PTPRD: variants seen among roughly 807,000 people sequenced by gnomAD.
PTPRD encodes protein tyrosine phosphatase receptor type D.
Under a neutral mutation model 214.5 loss-of-function variants are expected in PTPRD, and 34 were observed. The ratio of observed to expected loss-of-function variants is 0.16; its 90% CI spans 0.12 to 0.21. The LOEUF (loss-of-function observed/expected upper bound fraction) is 0.21. PTPRD is among the 10% of genes least tolerant of loss of function. The pLI, the probability that PTPRD is intolerant of heterozygous loss-of-function variation, is 1.00. For synonymous variants in PTPRD, 1,128 were observed against 845.7 expected (o/e 1.33, Z -5.79); for missense variants, 2,545 against 2,398.7 (o/e 1.06, Z -1.27).
chr9:8,925,787 G>C (rs1209024874), intron 11 of PTPRD, among the ~76,000 whole-genome samples: 2 of 150,366 alleles, frequency 1.3e-5, no homozygotes, highest in Non-Finnish European at 2.9e-5. Flanking sequence ...CACTGTTAGA[G>C]AACTGCTGTA....
chr9:8,856,728 T>A (rs1306592757), intron 11 of PTPRD, among the ~76,000 whole-genome samples: 1 of 152,140 alleles, frequency 6.6e-6, no homozygotes, highest in African/African-American at 2.4e-5. Flanking sequence ...ATTGTGATAG[T>A]CCTGGTTTTG....
chr9:8,835,766 G>A (rs1184274867), intron 11 of PTPRD, among the ~76,000 whole-genome samples: 1 of 151,990 alleles, frequency 6.6e-6, no homozygotes, highest in Admixed American at 6.6e-5. Flanking sequence ...TTGAACTCCT[G>A]GGCTCAAGTG....
At chr9:8,440,319 AT>A (rs34426609) in intron 34 of PTPRD, among the ~76,000 whole-genome samples, 74,955 of 145,838 alleles carry the variant, frequency 0.51, 18,959 homozygotes, top group East Asian at 0.65. Context: ...GAAATGTATT[AT>A]TTTTTTTTTT....
intron 4 of PTPRD, among the ~76,000 whole-genome samples, chr9:9,981,732 A>G (rs565158924): frequency 6.6e-6 from 1 of 152,250 alleles, no homozygotes; most frequent in South Asian, 2.1e-4. Context: ...AAATAGAAGT[A>G]ATGATCAGGA....
intron 10 of PTPRD, among the ~76,000 whole-genome samples, chr9:9,125,643 A>G (rs1372227147): frequency 2.0e-5 from 3 of 152,222 alleles, no homozygotes; most frequent in African/African-American, 7.2e-5. Context: ...ATTAGAAAAC[A>G]TAGCCTCCCA....
intron 10 of PTPRD, among the ~76,000 whole-genome samples, chr9:9,067,927 A>G (rs2099737486): frequency 6.6e-6 from 1 of 152,186 alleles, no homozygotes; most frequent in African/African-American, 2.4e-5. Context: ...GAACTGTTCC[A>G]TTACCTCAAG....
chr9:8,750,869 C>T (rs141276850), intron 11 of PTPRD, among the ~76,000 whole-genome samples: 229 of 152,260 alleles, frequency 1.5e-3, no homozygotes, highest in Middle Eastern at 6.8e-3. Flanking sequence ...TGGAGTGACA[C>T]GGTCTGATTT....
At chr9:8,709,083 C>G (rs929635287) in intron 12 of PTPRD, among the ~76,000 whole-genome samples, 27 of 151,858 alleles carry the variant, frequency 1.8e-4, no homozygotes, top group African/African-American at 6.1e-4. Flanking sequence ...TAGTGGCTAT[C>G]AGAGGCTGGG....
chr9:10,270,625 T>G (rs546948282), intron 3 of PTPRD, among the ~76,000 whole-genome samples: 2 of 152,176 alleles, frequency 1.3e-5, no homozygotes. Flanking sequence ...GGAAAACACT[T>G]CAGGCTCAAT....
intron 5 of PTPRD, among the ~76,000 whole-genome samples, chr9:9,813,624 T>A (rs1361627525): frequency 5.9e-5 from 9 of 152,080 alleles, no homozygotes; most frequent in Non-Finnish European, 1.3e-4. Context: ...TTGAAGCACT[T>A]ATGAAAATCT....
intron 3 of PTPRD, among the ~76,000 whole-genome samples, chr9:10,264,192 A>C (rs2093894458): frequency 1.3e-5 from 2 of 152,162 alleles, no homozygotes; most frequent in African/African-American, 2.4e-5. Context: ...GTGGGGTTGA[A>C]GCCCCCACAT....
At position 8,321,074 on chromosome 9, in the gene PTPRD, G is replaced by A. The variant is rs557309334; in HGVS notation, c.5535-1108C>T. Among the ~76,000 whole-genome samples the A allele has an allele frequency of 5.9e-5, 9 of 152,136 alleles. No homozygotes were observed. The South Asian group carries it at 1.0e-3, about 18-fold the overall frequency. On this transcript the variant is annotated intron_variant, in intron 44 of 45. Transcript: ENST00000381196. ...TTAAGTGAGGTTTGAAAATCCAAGC[G>A]GAGTCAGTCTTTAAGAAGTGATTGA...
chr9:8,658,631 T>C (rs1473489071), intron 12 of PTPRD, among the ~76,000 whole-genome samples: 1 of 151,614 alleles, frequency 6.6e-6, no homozygotes, highest in Non-Finnish European at 1.5e-5. Context: ...CCATAATTAG[T>C]TTTGCAATTT....
chr9:10,035,260 G>A (rs1451016186), intron 3 of PTPRD, among the ~76,000 whole-genome samples: 1 of 151,790 alleles, frequency 6.6e-6, no homozygotes, highest in Non-Finnish European at 1.5e-5. Flanking sequence ...TTTGAGAAGT[G>A]CCCTTTGCCC....
intron 11 of PTPRD, among the ~76,000 whole-genome samples, chr9:8,773,703 T>C (rs2095336920): frequency 6.6e-6 from 1 of 152,226 alleles, no homozygotes; most frequent in Admixed American, 6.5e-5. Context: ...GATTTAGAAA[T>C]TGACTTCATA....
At chr9:9,715,875 T>G (rs1214446232) in intron 7 of PTPRD, among the ~76,000 whole-genome samples, 5 of 152,190 alleles carry the variant, frequency 3.3e-5, no homozygotes, top group African/African-American at 4.8e-5. Flanking sequence ...TATTATACTT[T>G]AAGTTTTAGG....
chr9:9,959,544 A>G (rs1293618125), intron 4 of PTPRD, among the ~76,000 whole-genome samples: 10 of 152,204 alleles, frequency 6.6e-5, no homozygotes, highest in Non-Finnish European at 1.5e-4. Context: ...TTCCTATGGC[A>G]AGAGAATCTA....
At chr9:10,439,624 GC>G (rs2098745981) in intron 2 of PTPRD, among the ~76,000 whole-genome samples, 1 of 151,474 alleles carries the variant, frequency 6.6e-6, no homozygotes. Context: ...ATATTTTTGT[GC>G]AAACTATAAA....
chr9:10,285,548 C>A (rs936508155), intron 3 of PTPRD, among the ~76,000 whole-genome samples: 1 of 151,562 alleles, frequency 6.6e-6, no homozygotes, highest in Admixed American at 6.6e-5. Flanking sequence ...AACCCCAGTG[C>A]CATCACTAAC....
Sources: gnomAD v4.1 joint callset for allele counts (sites outside exome capture counted in the v4.1 genomes callset) on GRCh38, gnomAD v4.1.1 for gene constraint, MANE v1.5 for transcripts, NCBI Gene and HGNC (gene_info 2026-07-23, HGNC 2026-07-21) for gene names.